PPL: variants seen among roughly 807,000 people sequenced by gnomAD.
The protein encoded by PPL is 190 kDa paraneoplastic pemphigus antigen.
Under a neutral mutation model 194.4 loss-of-function variants are expected in PPL, and 198 were observed. The ratio of observed to expected loss-of-function variants is 1.02; its 90% confidence interval spans 0.91 to 1.15. The LOEUF (loss-of-function observed/expected upper bound fraction) is 1.15. Among genes scored for constraint, PPL ranks in the 50% most tolerant of loss-of-function variants. The probability of loss-of-function intolerance (pLI) is 0.00; values close to 1 mark genes in which losing one functional copy is unlikely to be tolerated. For synonymous variants in PPL, 1,220 were observed against 972.4 expected, an observed-to-expected ratio of 1.25 and a Z score of -4.74; for missense variants, 2,885 against 2,294.8, an observed-to-expected ratio of 1.26 and a Z score of -5.25.
intron 4 of PPL, 41 bp from the exon 5 acceptor site, chr16:4,901,130 T>C (rs771479283): frequency 6.2e-7 from 1 of 1,608,146 alleles, no homozygotes; most frequent in Non-Finnish European, 8.5e-7. Context: ...GAGGGTGGGC[T>C]GAGGGCTGGG....
At chr16:4,898,509 TAAG>T (rs993400888) in intron 8 of PPL, among the ~76,000 whole-genome samples, 1 of 152,092 alleles carries the variant, frequency 6.6e-6, no homozygotes, top group Non-Finnish European at 1.5e-5. Flanking sequence ...GATATCCTTA[TAAG>T]AAGAGAGGAT....
rs563492311 is a variant in PPL at position 4,912,891 on chromosome 16, A to G, written c.63-1942T>C. Among the ~76,000 whole-genome samples the G allele has an allele frequency of 2.7e-4, 41 of 152,204 alleles. 1 individual carries two copies. The highest frequency in any genetic ancestry group is 9.7e-4 in the East Asian group (5 of 5,164). On this transcript the variant is annotated intron_variant, in intron 1 of 21. Transcript: ENST00000345988. ...GGCCAAGGCGGGCGAATCACCTGAGATCAGGAGTTTGAGACCAGCCTGGCC... is the reference window on the plus strand; with the variant it reads ...GGCCAAGGCGGGCGAATCACCTGAGGTCAGGAGTTTGAGACCAGCCTGGCC...
At chr16:4,931,648 C>A (rs907915642) in intron 1 of PPL, among the ~76,000 whole-genome samples, 2 of 152,200 alleles carry the variant, frequency 1.3e-5, no homozygotes, top group Non-Finnish European at 2.9e-5. Flanking sequence ...AGCAGCTGCA[C>A]GCTGGGAAGC....
At chr16:4,890,638 A>C (rs2088301325) in intron 17 of PPL, 90 bp downstream of exon 17, 3 of 1,434,742 alleles carry the variant, frequency 2.1e-6, no homozygotes, top group Admixed American at 2.8e-5. Context: ...AAAACAGCAA[A>C]ATCTGTGGGA....
chr16:4,897,357 G>C (rs1283065699), intron 9 of PPL, among the ~76,000 whole-genome samples: 4 of 127,348 alleles, frequency 3.1e-5, no homozygotes, highest in Non-Finnish European at 5.0e-5. Context: ...AAAAAAAAAA[G>C]GCAAATTTTG....
At position 4,902,572 on chromosome 16, in the gene PPL, C is replaced by G; in HGVS notation, c.318-46G>C. On this transcript the variant is annotated intron_variant, in intron 3 of 21. Coordinates refer to ENST00000345988, the MANE Select transcript of PPL (RefSeq NM_002705.5). This position sits in a 1 kb window ranked among gnomAD's most constrained non-coding sequence, Gnocchi z 4.0. ...ACTTAGTGGGGCTGGTTGGCACTGC[C>G]TGCACCCCAGGAGGGGCCCCCCACC... The G allele has an allele frequency of 6.3e-7, 1 of 1,596,866 alleles. No homozygotes were observed. Among genetic ancestry groups the G allele is most frequent in the South Asian group, 1.1e-5 (1 of 87,326 alleles).
intron 9 of PPL, among the ~76,000 whole-genome samples, chr16:4,897,211 T>C (rs915995313): frequency 2.0e-5 from 3 of 150,942 alleles, no homozygotes; most frequent in Non-Finnish European, 2.9e-5. Context: ...GGTGGGCACT[T>C]GTAATCCCAG....
Position 4,899,076 on chromosome 16 carries a change from G to T in PPL, c.813C>A (p.Asn271Lys). ...GCTGGTCGCCCTCGCTGTGCAGTTT[G>T]TTGATTCTCTCCTCTTTGGCCTCCA... ...RNLEAKEERINKLHSEGDQLL... is the reference protein window; with the variant it reads ...RNLEAKEERIKKLHSEGDQLL... The change falls in exon 8 of 22, where the codon AAC becomes AAA. Residue 271 changes from asparagine (N) to lysine (K), a missense_variant. Transcript: ENST00000345988. 6.2e-7 allele frequency: 1 copy of T among 1,613,194 alleles called. No individual in the cohort carries two copies.
Position 4,884,484 on chromosome 16 carries a change from G to A in PPL, c.4171C>T (p.Arg1391Trp), listed in dbSNP as rs34645685. The stretch of plus-strand genomic sequence containing the variant: ...AGCTCGGTGCGCCGGCGCTGCAGCC[G>A]CCGCAGCTCTGCCCGCAGCTTGTCA... ...QIDKLRAELRRLQRRRTELER... is the reference protein window; with the variant it reads ...QIDKLRAELRWLQRRRTELER... The change falls in exon 22 of 22, where the codon CGG becomes TGG. Residue 1391 changes from arginine to tryptophan, a missense_variant. Transcript: ENST00000345988. This position sits in a 1 kb window ranked among gnomAD's most constrained non-coding sequence, Gnocchi z 5.7. 766 of 1,603,634 alleles carry A rather than the reference G, an allele frequency of 4.8e-4. 3 individuals carry two copies. The Middle Eastern group carries it at 9.6e-3, about 20-fold the overall frequency.
At chr16:4,891,676 A>G (rs1445879245) in intron 16 of PPL, 135 bp downstream of exon 16, 25 of 1,122,244 alleles carry the variant, frequency 2.2e-5, no homozygotes, top group Non-Finnish European at 3.1e-5. Context: ...CTCCATTTGC[A>G]GTTCCCAATT....
chr16:4,903,857 C>T, intron 3 of PPL, 29 bp downstream of exon 3: 1 of 1,612,014 alleles, frequency 6.2e-7, no homozygotes, highest in Non-Finnish European at 8.5e-7. Flanking sequence ...CCAATGGCTC[C>T]CCTGGGGTAA....
chr16:4,907,332 AC>A (rs2088709791), intron 2 of PPL, among the ~76,000 whole-genome samples: 1 of 151,440 alleles, frequency 6.6e-6, no homozygotes, highest in Non-Finnish European at 1.5e-5. Context: ...ACACACACAC[AC>A]ACACACACAC....
rs781020702 is a variant in PPL at position 4,888,151 on chromosome 16, A to G, written c.2465T>C (p.Val822Ala). Residue 822 changes from valine (V) to alanine (A), a missense_variant, in exon 20 of 22, where the codon GTG becomes GCG. Coordinates refer to ENST00000345988, the MANE Select transcript of PPL (RefSeq NM_002705.5). ...AGATTGGAGCCTGGCTCTCTTGCTC[A>G]CGTGGCTTCTCCTTCCATTCTCCAA... ...LDLENGRRSH[V>A]SKRARLQSPA... 1.9e-5 allele frequency: 30 copies of G among 1,613,936 alleles called. No homozygotes were observed. The African/African-American group carries it at 2.8e-4, about 15-fold the overall frequency.
At position 4,895,300 on chromosome 16, in the gene PPL, G is replaced by A. The variant is rs910854153; in HGVS notation, c.1203C>T (p.Pro401=). ...LKYRRETPLK[P]IPVEALCDFE... ...AGTCACAGAGTGCCTCCACGGGGATGGGCTTGAGCGGAGTCTCCCGGCGGT... is the reference window on the plus strand; with the variant it reads ...AGTCACAGAGTGCCTCCACGGGGATAGGCTTGAGCGGAGTCTCCCGGCGGT... Residue 401 remains proline, a synonymous_variant, in exon 11 of 22, where the codon CCC becomes CCT. Transcript: ENST00000345988. The A allele has an allele frequency of 1.1e-5, 17 of 1,612,408 alleles. 1 individual carries two copies. The highest frequency in any genetic ancestry group is 1.4e-5 in the Non-Finnish European group (16 of 1,179,520).
At chr16:4,903,512 G>C in intron 3 of PPL, among the ~76,000 whole-genome samples, 1 of 152,108 alleles carries the variant, frequency 6.6e-6, no homozygotes, top group Non-Finnish European at 1.5e-5. Context: ...CTAAGGTCTG[G>C]AGTTTGAGAC....
At chr16:4,887,316 G>A in intron 20 of PPL, 89 bp from the exon 21 acceptor site, 1 of 980,492 alleles carries the variant, frequency 1.0e-6, no homozygotes, top group Non-Finnish European at 1.6e-6. Flanking sequence ...CGTGGTTCTT[G>A]AGAAGTGTGG....
Position 4,891,855 on chromosome 16 carries a change from G to C in PPL, c.1924C>G (p.Pro642Ala). ...ENHLNQDDTV[P>A]ESSRVLDSKG... is the part of the protein sequence containing the mutation. The stretch of plus-strand genomic sequence containing the variant: ...CTGTCCAGGACACGGCTGCTCTCAG[G>C]CACTGTGTCATCCTGATTCAGATGG... Residue 642 changes from proline to alanine, a missense_variant, in exon 16 of 22, where the codon CCT (proline) becomes GCT (alanine). Physicochemically the swap from Pro to Ala is conservative, Grantham distance 27. Transcript: ENST00000345988. 6.2e-7 allele frequency: 1 copy of C among 1,613,426 alleles called. No individual in the cohort carries two copies. The highest frequency in any genetic ancestry group is 1.1e-5 in the South Asian group (1 of 91,068).
At chr16:4,934,849 C>G (rs2089274911) in intron 1 of PPL, among the ~76,000 whole-genome samples, 1 of 152,166 alleles carries the variant, frequency 6.6e-6, no homozygotes, top group Admixed American at 6.5e-5. Context: ...CCCCACAATC[C>G]AGTCTGCGAA....
Position 4,885,830 on chromosome 16 carries a change from G to T in PPL, c.2825C>A (p.Pro942Gln), listed in dbSNP as rs142210645. 6.2e-7 allele frequency: 1 copy of T among 1,607,836 alleles called. No individual in the cohort carries two copies. Among genetic ancestry groups the T allele is most frequent in the South Asian group, 1.1e-5 (1 of 91,074 alleles). Residue 942 changes from proline (P) to glutamine (Q), a missense_variant, in exon 22 of 22, where the codon CCG (proline) becomes CAG (glutamine). Coordinates refer to ENST00000345988, the MANE Select transcript of PPL (RefSeq NM_002705.5). This position sits in a 1 kb window ranked among gnomAD's most constrained non-coding sequence, Gnocchi z 6.3. Reference sequence around the variant, plus strand: ...GAAGCTCTCCTCCAGCACGGGATCCGGCACCTTCTTGAGCACCTCCTTCCT... The same window carrying T: ...GAAGCTCTCCTCCAGCACGGGATCCTGCACCTTCTTGAGCACCTCCTTCCT... ...VVRKEVLKKV[P>Q]DPVLEESFQQ...
Sources: gnomAD v4.1 joint callset for allele counts (sites outside exome capture counted in the v4.1 genomes callset) on GRCh38, gnomAD v4.1.1 for gene constraint, Gnocchi (gnomAD v3.1) non-coding constraint, MANE v1.5 for transcripts, NCBI Gene and HGNC (gene_info 2026-07-23, HGNC 2026-07-21) for gene names.